The following SH3GLB1 variants were observed in gnomAD, a reference collection of about 807,000 sequenced individuals.
SH3GLB1 encodes SH3 domain containing GRB2 like, endophilin B1, also known as endophilin-B1.
Under a neutral mutation model 42.0 loss-of-function variants are expected in SH3GLB1, and 17 were observed. The observed-to-expected ratio is 0.40, with a 90% CI of 0.28 to 0.61. The LOEUF is 0.61. Among genes scored for constraint, SH3GLB1 ranks in the 20% least tolerant of loss-of-function variants. The pLI is 0.36. For synonymous variants in SH3GLB1, 132 were observed against 146.6 expected (o/e 0.90, Z 0.72); for missense variants, 355 against 426.3 (o/e 0.83, Z 1.47).
chr1:86,742,327 C>T lies in SH3GLB1; in HGVS notation c.881C>T (p.Ser294Phe). Residue 294 changes from serine (S) to phenylalanine (F), a missense_variant, in exon 8 of 9, where the codon TCT (serine) becomes TTT (phenylalanine). Coordinates refer to ENST00000370558, the MANE Select transcript of SH3GLB1 (RefSeq NM_016009.5). ...MASTSGLVIT[S>F]PSNLSDLKEC... ...TCAACAAGTGGCCTAGTAATCACCT[C>T]TCCTTCCAACCTCAGTGACCTTAAG... 6.2e-7 allele frequency: 1 copy of T among 1,614,188 alleles called. No individual in the cohort carries two copies. Among genetic ancestry groups the T allele is most frequent in the African/African-American group, 1.3e-5 (1 of 75,064 alleles).
chr1:86,732,298 C>G (rs1387925276), intron 5 of SH3GLB1, among the ~76,000 whole-genome samples: 1 of 152,170 alleles, frequency 6.6e-6, no homozygotes, highest in African/African-American at 2.4e-5. Flanking sequence ...GCTTACCTAA[C>G]CTATGTTATG....
At position 86,746,340 on chromosome 1, in the gene SH3GLB1, T is replaced by A. The variant is rs1223785559; in HGVS notation, c.*3105T>A. On this transcript the variant is annotated 3_prime_UTR_variant, in exon 9 of 9. Transcript: ENST00000370558. Reference sequence around the variant, plus strand: ...CCATGCTGACAGAATTCCAGAAAAATTCCTTCCCTATCTCCCAAACACCTG... The same window carrying A: ...CCATGCTGACAGAATTCCAGAAAAAATCCTTCCCTATCTCCCAAACACCTG... 1 of 152,108 alleles carries A rather than the reference T, an allele frequency of 6.6e-6. No individual in the cohort carries two copies. Among genetic ancestry groups the A allele is most frequent in the Non-Finnish European group, 1.5e-5 (1 of 68,058 alleles). 9.4% of individuals were successfully genotyped at this position (152,108 alleles called of 1,614,324 possible).
At chr1:86,726,174 A>AAG (rs1655185009) in intron 5 of SH3GLB1, among the ~76,000 whole-genome samples, 1 of 152,110 alleles carries the variant, frequency 6.6e-6, no homozygotes, top group African/African-American at 2.4e-5. Context: ...GTCTTTATTC[A>AAG]AGATGCCTAT....
intron 5 of SH3GLB1, chr1:86,728,484 C>A: frequency 1.3e-6 from 2 of 1,540,298 alleles, no homozygotes; most frequent in Non-Finnish European, 1.8e-6. Context: ...TGTAAAATGG[C>A]TGAAGGTTTG....
At chr1:86,709,177 G>A (rs1254839767) in intron 1 of SH3GLB1, among the ~76,000 whole-genome samples, 2 of 152,110 alleles carry the variant, frequency 1.3e-5, no homozygotes, top group African/African-American at 2.4e-5. Context: ...GAACTCTAAA[G>A]TTCTGTTACT....
At chr1:86,725,085 T>C (rs1290314424) in intron 5 of SH3GLB1, among the ~76,000 whole-genome samples, 1 of 150,540 alleles carries the variant, frequency 6.6e-6, no homozygotes, top group Non-Finnish European at 1.5e-5. Flanking sequence ...TTTTTTTAAA[T>C]ATCGTCAGTG....
At chr1:86,705,424 C>A (rs1013940949) in intron 1 of SH3GLB1, among the ~76,000 whole-genome samples, 1 of 152,142 alleles carries the variant, frequency 6.6e-6, no homozygotes, top group African/African-American at 2.4e-5. Flanking sequence ...CTTTTCCTGT[C>A]CTTCAACCCA....
intron 8 of SH3GLB1, 44 bp from the exon 9 acceptor site, chr1:86,743,084 A>AT (rs941383018): frequency 1.4e-6 from 2 of 1,462,178 alleles, no homozygotes; most frequent in Admixed American, 1.8e-5. Flanking sequence ...CTACTTGTTT[A>AT]TTTTTTTAAT....
At chr1:86,723,798 T>G (rs1324960451) in intron 4 of SH3GLB1, among the ~76,000 whole-genome samples, 1 of 152,220 alleles carries the variant, frequency 6.6e-6, no homozygotes, top group Admixed American at 6.5e-5. Context: ...CAAGGAACCC[T>G]TGCCCCAGGC....
chr1:86,723,745 T>G (rs538593524), intron 4 of SH3GLB1, among the ~76,000 whole-genome samples: 1 of 152,322 alleles, frequency 6.6e-6, no homozygotes, highest in South Asian at 2.1e-4. Flanking sequence ...CTATGACACA[T>G]TAAGTGCAGC....
chr1:86,730,390 A>C (rs994778293), intron 5 of SH3GLB1: 80 of 984,822 alleles, frequency 8.1e-5, no homozygotes, highest in Non-Finnish European at 9.0e-5. Flanking sequence ...TATAGAAGGC[A>C]GGCGAAATGC....
intron 5 of SH3GLB1, 38 bp from the exon 6 acceptor site, chr1:86,734,564 T>A: frequency 7.0e-7 from 1 of 1,437,146 alleles, no homozygotes; most frequent in Non-Finnish European, 9.8e-7. Flanking sequence ...ATGGACTGAG[T>A]CTTCTAAAGA....
Position 86,715,736 on chromosome 1 carries a change from A to C in SH3GLB1, c.85A>C (p.Lys29Gln). 6.3e-7 allele frequency: 1 copy of C among 1,596,150 alleles called. No homozygotes were observed. Among genetic ancestry groups the C allele is most frequent in the Non-Finnish European group, 8.5e-7 (1 of 1,176,048 alleles). Residue 29 changes from lysine (K) to glutamine (Q), a missense_variant, in exon 2 of 9, where the codon AAG (lysine) becomes CAG (glutamine). Physicochemically the swap from Lys to Gln is moderately conservative, Grantham distance 53. Coordinates refer to ENST00000370558, the MANE Select transcript of SH3GLB1 (RefSeq NM_016009.5). Reference sequence around the variant, plus strand: ...CAATCAATAACAGTTCACAGAAGAAAAGCTTGGCCAGGCTGAGAAGACAGA... The same window carrying C: ...CAATCAATAACAGTTCACAGAAGAACAGCTTGGCCAGGCTGAGAAGACAGA... The part of the protein sequence containing the change: ...LSRAVQFTEE[K>Q]LGQAEKTELD...
chr1:86,742,023 T>A (rs1173617463), intron 7 of SH3GLB1, among the ~76,000 whole-genome samples, 185 bp from the exon 8 acceptor site: 1 of 152,190 alleles, frequency 6.6e-6, no homozygotes, highest in African/African-American at 2.4e-5. Context: ...ACCTGAATTG[T>A]CTCTAGTATA....
chr1:86,716,759 G>A (rs1033294225), intron 2 of SH3GLB1, among the ~76,000 whole-genome samples: 6 of 152,170 alleles, frequency 3.9e-5, no homozygotes, highest in African/African-American at 1.4e-4. Context: ...AGTGGAAATT[G>A]GACTAGAACC....
intron 2 of SH3GLB1, among the ~76,000 whole-genome samples, chr1:86,716,790 T>C (rs1654562533): frequency 6.6e-6 from 1 of 152,210 alleles, no homozygotes; most frequent in Admixed American, 6.5e-5. Flanking sequence ...ACATCCAGTC[T>C]TTTCACTGTG....
At chr1:86,712,995 T>TA (rs927622050) in intron 1 of SH3GLB1, among the ~76,000 whole-genome samples, 16 of 152,186 alleles carry the variant, frequency 1.1e-4, no homozygotes, top group Non-Finnish European at 2.1e-4. Flanking sequence ...CAGGCCTTTT[T>TA]ACCTGAAGAT....
At position 86,724,515 on chromosome 1, in the gene SH3GLB1, C is replaced by G. The variant is rs1026926126; in HGVS notation, c.570+110C>G. ...TTAACTTTAGAGTCTTGTTTTTGTGCTTTCTAAACAAATTTATCAGAACTT... is the reference window on the plus strand; with the variant it reads ...TTAACTTTAGAGTCTTGTTTTTGTGGTTTCTAAACAAATTTATCAGAACTT... On this transcript the variant is annotated intron_variant, in intron 5 of 8. Transcript: ENST00000370558. 3.6e-6 allele frequency: 3 copies of G among 839,816 alleles called. No individual in the cohort carries two copies. In the African/African-American group the frequency reaches 5.2e-5, roughly 15 times the overall value. The allele number at this position is 839,816 out of a possible 1,614,324, so 52.0% of individuals were successfully genotyped here.
chr1:86,742,818 G>C (rs1656121138), intron 8 of SH3GLB1, among the ~76,000 whole-genome samples: 1 of 151,908 alleles, frequency 6.6e-6, no homozygotes, highest in South Asian at 2.1e-4. Context: ...AAAATTAGCT[G>C]GGCATGGTGG....
Sources: gnomAD v4.1 joint callset for allele counts (sites outside exome capture counted in the v4.1 genomes callset) on GRCh38, gnomAD v4.1.1 for gene constraint, MANE v1.5 for transcripts, NCBI Gene and HGNC (gene_info 2026-07-23, HGNC 2026-07-21) for gene names.